The following FRK variants were observed in gnomAD, a reference collection of about 807,000 sequenced individuals.
FRK encodes tyrosine-protein kinase FRK.
Under a neutral mutation model 56.4 loss-of-function variants are expected in FRK, and 51 were observed. The ratio of observed to expected loss-of-function variants is 0.90; its 90% CI spans 0.72 to 1.14. FRK has a LOEUF of 1.14. Ranked by LOEUF, FRK falls within the 50% of genes most tolerant of loss-of-function variation. FRK has a pLI of 0.00. For missense variants in FRK, 570 were observed against 601.4 expected, an observed-to-expected ratio of 0.95 and a Z score of 0.55; for synonymous variants, 245 against 217.9, an observed-to-expected ratio of 1.12 and a Z score of -1.10.
In FRK at chr6:116,027,934, G is replaced by A. The variant is rs564917155; in HGVS notation, c.345-23936C>T. ...TGTTCAGAGACAAAGTCAGGGTTCA[G>A]AGGAGAAGCTATCCAGTATCTACAG... On this transcript the variant is annotated intron_variant, in intron 1 of 7. Transcript: ENST00000606080. Among the ~76,000 whole-genome samples, 8 of 152,006 alleles carry A rather than the reference G, an allele frequency of 5.3e-5. No individual in the cohort carries two copies. The East Asian group carries it at 9.7e-4, about 18-fold the overall frequency.
chr6:115,956,487 A>G lies in FRK; in HGVS notation c.923T>C (p.Leu308Ser). 12 of 1,567,756 alleles carry G rather than the reference A, an allele frequency of 7.7e-6. No homozygotes were observed. Among genetic ancestry groups the G allele is most frequent in the Admixed American group, 1.8e-5 (1 of 54,582 alleles). Residue 308 changes from leucine (L) to serine (S), a missense_variant, in exon 5 of 8, where the codon TTG becomes TCG. Physicochemically the swap from Leu to Ser is moderately radical, Grantham distance 145. Transcript: ENST00000606080. ...TTCTTGCAGACTTCCATGTCTCATC[A>G]ACTCTGTAATAATATAAATTGGATC... The part of the protein sequence containing the change: ...LEDPIYIITE[L>S]MRHGSLQEYL...
chr6:116,036,482 T>A (rs952488950), intron 1 of FRK, among the ~76,000 whole-genome samples: 25 of 152,152 alleles, frequency 1.6e-4, no homozygotes, highest in African/African-American at 5.5e-4. Context: ...GAAAAATAAT[T>A]TGGGATCATT....
chr6:116,096,154 T>C, the FRK span, among the ~76,000 whole-genome samples: 1 of 152,212 alleles, frequency 6.6e-6, no homozygotes, highest in African/African-American at 2.4e-5. Flanking sequence ...CGAGGACCCG[T>C]GGACAAACCC....
chr6:115,998,117 CA>C (rs1774912681), intron 2 of FRK, among the ~76,000 whole-genome samples: 1 of 152,202 alleles, frequency 6.6e-6, no homozygotes, highest in South Asian at 2.1e-4. Flanking sequence ...AGAGCAGAGA[CA>C]GTGCAGCCAG....
the FRK span, among the ~76,000 whole-genome samples, chr6:116,078,508 G>C: frequency 6.6e-6 from 1 of 152,112 alleles, no homozygotes; most frequent in African/African-American, 2.4e-5. Context: ...TGTTTTAATG[G>C]GGTCAGGGGT....
chr6:116,006,422 T>A (rs111656629), intron 1 of FRK, among the ~76,000 whole-genome samples: 4 of 152,258 alleles, frequency 2.6e-5, no homozygotes, highest in African/African-American at 9.6e-5. Flanking sequence ...TATACAGTAC[T>A]AGTGGTAGTA....
At chr6:115,975,467 G>A (rs549964542) in intron 2 of FRK, among the ~76,000 whole-genome samples, 1 of 152,214 alleles carries the variant, frequency 6.6e-6, no homozygotes, top group Non-Finnish European at 1.5e-5. Context: ...ATTTTCATCT[G>A]TTAGTGGTGA....
In FRK at chr6:115,944,438, A is replaced by T; in HGVS notation, c.959-13T>A. ...GATCCAGTGTCATCTAAGTAATAAG[A>T]GAAAAGTAAGAAAGTTACCTTAGAG... is the stretch of plus-strand genomic sequence containing the variant. On this transcript the variant is annotated splice_polypyrimidine_tract_variant and intron_variant, in intron 5 of 7. Coordinates refer to ENST00000606080, the MANE Select transcript of FRK (RefSeq NM_002031.3). The T allele has an allele frequency of 6.3e-7, 1 of 1,578,050 alleles. No individual in the cohort carries two copies. The highest frequency in any genetic ancestry group is 2.0e-5 in the Admixed American group (1 of 50,908).
intron 5 of FRK, among the ~76,000 whole-genome samples, chr6:115,945,166 A>G (rs1772371793): frequency 6.6e-6 from 1 of 152,302 alleles, no homozygotes; most frequent in South Asian, 2.1e-4. Flanking sequence ...TGGTGCTGCA[A>G]GAAACATACA....
chr6:116,011,349 G>T lies in FRK; in HGVS notation c.345-7351C>A, dbSNP rs368602561. Reference sequence around the variant, plus strand: ...AGAAAACTCATGCCCAGCAACTGATGGCTAGGATTTACAAAAGTTAACATA... The same window carrying T: ...AGAAAACTCATGCCCAGCAACTGATTGCTAGGATTTACAAAAGTTAACATA... On this transcript the variant is annotated intron_variant, in intron 1 of 7. Transcript: ENST00000606080. 1.8e-4 allele frequency among the ~76,000 whole-genome samples: 28 copies of T among 152,164 alleles called. 1 individual carries two copies. In the East Asian group the frequency reaches 2.5e-3, roughly 14 times the overall value.
intron 1 of FRK, among the ~76,000 whole-genome samples, chr6:116,042,608 C>T (rs187579953): frequency 1.0e-3 from 157 of 152,274 alleles, no homozygotes; most frequent in African/African-American, 3.5e-3. Context: ...ACAGGAAAAA[C>T]GGGTTTCAGA....
the FRK span, among the ~76,000 whole-genome samples, chr6:116,070,124 G>T: frequency 6.9e-6 from 1 of 144,094 alleles, no homozygotes; most frequent in African/African-American, 2.6e-5. Flanking sequence ...GAAGGAAACA[G>T]CCCATTATTT....
rs942356680 is a variant in FRK at position 115,986,188 on chromosome 6, G to C, written c.467-17449C>G. On this transcript the variant is annotated intron_variant, in intron 2 of 7. Transcript: ENST00000606080. ...GCCAAATGACTTGCTTTGGTGAATT[G>C]AGTAGGGGCAACCATGACAAACAGC... Among the ~76,000 whole-genome samples the C allele has an allele frequency of 3.9e-5, 6 of 151,998 alleles. 1 individual carries two copies. Among genetic ancestry groups the C allele is most frequent in the African/African-American group, 1.4e-4 (6 of 41,410 alleles).
chr6:115,947,917 C>T (rs1029949389), intron 5 of FRK, among the ~76,000 whole-genome samples: 1 of 152,074 alleles, frequency 6.6e-6, no homozygotes, highest in Admixed American at 6.6e-5. Context: ...GGTTACTAAC[C>T]GTGAGCTATG....
At chr6:115,974,855 C>T (rs1399647731) in intron 2 of FRK, among the ~76,000 whole-genome samples, 2 of 152,130 alleles carry the variant, frequency 1.3e-5, no homozygotes, top group Non-Finnish European at 2.9e-5. Flanking sequence ...TCTCTATCCA[C>T]TCGAGCTCCT....
intron 1 of FRK, among the ~76,000 whole-genome samples, chr6:116,047,559 G>A (rs1042733350): frequency 8.2e-3 from 1 of 122 alleles, no homozygotes; most frequent in Non-Finnish European, 0.021. Flanking sequence ...TCCAGCTTCC[G>A]GATTCAAGTG....
intron 1 of FRK, among the ~76,000 whole-genome samples, chr6:116,055,122 T>A (rs1448671452): frequency 6.6e-6 from 1 of 152,190 alleles, no homozygotes; most frequent in Non-Finnish European, 1.5e-5. Flanking sequence ...TATAAGAATC[T>A]TTCCAAGAAT....
chr6:115,954,855 T>G (rs1684156224), intron 5 of FRK, among the ~76,000 whole-genome samples: 1 of 152,152 alleles, frequency 6.6e-6, no homozygotes, highest in South Asian at 2.1e-4. Flanking sequence ...TCTCATCCCC[T>G]TTCTCTGCCA....
intron 1 of FRK, among the ~76,000 whole-genome samples, chr6:116,019,388 G>T (rs1775777965): frequency 6.6e-6 from 1 of 152,116 alleles, no homozygotes; most frequent in Admixed American, 6.5e-5. Context: ...AGAATATAGA[G>T]AGAATATACT....
Sources: gnomAD v4.1 joint callset for allele counts (sites outside exome capture counted in the v4.1 genomes callset) on GRCh38, gnomAD v4.1.1 for gene constraint, MANE v1.5 for transcripts, NCBI Gene and HGNC (gene_info 2026-07-23, HGNC 2026-07-21) for gene names.